The following SGCZ variants were observed in gnomAD, a reference collection of about 807,000 sequenced individuals.
SGCZ encodes the protein sarcoglycan zeta.
SGCZ carries 40 observed loss-of-function variants against 41.3 expected under a neutral mutation model. The observed-to-expected ratio is 0.97, with a 90% CI of 0.75 to 1.26. The LOEUF (loss-of-function observed/expected upper bound fraction) is 1.26. Among genes scored for constraint, SGCZ ranks in the 50% most tolerant of loss-of-function variants. The pLI is 0.00. For synonymous variants in SGCZ, 206 were observed against 137.5 expected, an observed-to-expected ratio of 1.50 and a Z score of -3.49; for missense variants, 552 against 369.8, an observed-to-expected ratio of 1.49 and a Z score of -4.04.
chr8:14,338,524 T>C (rs1802580575), intron 2 of SGCZ, among the ~76,000 whole-genome samples: 1 of 152,208 alleles, frequency 6.6e-6, no homozygotes, highest in Admixed American at 6.5e-5. Flanking sequence ...GCAATTGCTC[T>C]GTCACAGCTT....
intron 1 of SGCZ, among the ~76,000 whole-genome samples, chr8:15,208,232 G>A (rs575423914): frequency 1.3e-5 from 2 of 152,270 alleles, no homozygotes; most frequent in East Asian, 1.9e-4. Flanking sequence ...GATGATGAAA[G>A]CATTCATCAG....
In SGCZ at chr8:15,048,621, A is replaced by T. The variant is rs79644907; in HGVS notation, c.39+188964T>A. 2.5e-3 allele frequency among the ~76,000 whole-genome samples: 384 copies of T among 152,240 alleles called. 1 individual carries two copies. Among genetic ancestry groups the T allele is most frequent in the African/African-American group, 8.9e-3 (372 of 41,570 alleles). On this transcript the variant is annotated intron_variant, in intron 1 of 7. Transcript: ENST00000382080. The stretch of plus-strand genomic sequence containing the variant: ...TAGATATGTACAATTATTATGCATC[A>T]ATTTTAAAAATTGTGAAAAAGTCAG...
intron 1 of SGCZ, among the ~76,000 whole-genome samples, chr8:15,097,693 C>T: frequency 6.7e-6 from 1 of 148,956 alleles, no homozygotes; most frequent in African/African-American, 2.5e-5. Flanking sequence ...TACACCAATA[C>T]ATTACTGTCT....
At chr8:15,082,234 A>T (rs371730072) in intron 1 of SGCZ, among the ~76,000 whole-genome samples, 55 of 152,196 alleles carry the variant, frequency 3.6e-4, no homozygotes, top group South Asian at 2.1e-3. Flanking sequence ...GTCTCAAAAA[A>T]AAATAAATAA....
intron 1 of SGCZ, among the ~76,000 whole-genome samples, chr8:15,148,250 C>T (rs6530838): frequency 6.6e-6 from 1 of 152,060 alleles, no homozygotes; most frequent in East Asian, 1.9e-4. Context: ...TGATGTGAGT[C>T]AATATTGGGG....
chr8:15,047,887 A>C lies in SGCZ; in HGVS notation c.39+189698T>G, dbSNP rs187873817. On this transcript the variant is annotated intron_variant, in intron 1 of 7. Coordinates refer to ENST00000382080, the MANE Select transcript of SGCZ (RefSeq NM_139167.4). ...ATGTACACTAGTACACTGTTGGTGA[A>C]AATGTAAACTAGCACAGCCTCTATG... 8.9e-4 allele frequency among the ~76,000 whole-genome samples: 136 copies of C among 152,120 alleles called. 1 individual carries two copies. Among genetic ancestry groups the C allele is most frequent in the African/African-American group, 3.2e-3 (132 of 41,550 alleles).
At chr8:14,196,739 G>A (rs35956897) in intron 4 of SGCZ, among the ~76,000 whole-genome samples, 1 of 151,896 alleles carries the variant, frequency 6.6e-6, no homozygotes, top group Non-Finnish European at 1.5e-5. Flanking sequence ...CTGCAACATT[G>A]ATGCACCTTA....
chr8:15,167,166 C>T (rs1033325043), intron 1 of SGCZ, among the ~76,000 whole-genome samples: 1 of 152,132 alleles, frequency 6.6e-6, no homozygotes, highest in African/African-American at 2.4e-5. Flanking sequence ...TGTGAGTATC[C>T]TCGTGGCAAT....
chr8:14,471,721 A>G (rs1033040959), intron 2 of SGCZ, among the ~76,000 whole-genome samples: 1 of 152,106 alleles, frequency 6.6e-6, no homozygotes, highest in Admixed American at 6.6e-5. Context: ...AATAAAAATA[A>G]TAATTTCCGT....
chr8:15,147,325 C>A (rs1489508725), intron 1 of SGCZ, among the ~76,000 whole-genome samples: 1 of 152,146 alleles, frequency 6.6e-6, no homozygotes, highest in African/African-American at 2.4e-5. Context: ...TTTGACCAGG[C>A]TGGAGTGCAA....
chr8:15,106,629 G>C (rs1488644978), intron 1 of SGCZ, among the ~76,000 whole-genome samples: 2 of 151,860 alleles, frequency 1.3e-5, no homozygotes, highest in Non-Finnish European at 2.9e-5. Context: ...TGTCTTACTA[G>C]TTTCATTTGT....
chr8:14,338,407 G>C (rs1279278613), intron 2 of SGCZ, among the ~76,000 whole-genome samples: 1 of 152,134 alleles, frequency 6.6e-6, no homozygotes, highest in East Asian at 1.9e-4. Flanking sequence ...GACCAAAAAT[G>C]TGAGAATGTA....
intron 1 of SGCZ, among the ~76,000 whole-genome samples, chr8:15,105,607 A>G (rs1806794239): frequency 6.6e-6 from 1 of 152,146 alleles, no homozygotes; most frequent in Non-Finnish European, 1.5e-5. Context: ...TGATTCAATC[A>G]CATCCCAACA....
chr8:14,448,200 G>A (rs990948780), intron 2 of SGCZ, among the ~76,000 whole-genome samples: 1 of 152,164 alleles, frequency 6.6e-6, no homozygotes, highest in African/African-American at 2.4e-5. Context: ...AGAGATTCAA[G>A]GTTTACCAAC....
At chr8:15,176,371 T>A (rs934738315) in intron 1 of SGCZ, among the ~76,000 whole-genome samples, 6 of 152,202 alleles carry the variant, frequency 3.9e-5, no homozygotes, top group South Asian at 2.1e-4. Context: ...CAATTTCTCA[T>A]TCAATAGAAG....
At chr8:14,348,009 C>G (rs150500042) in intron 2 of SGCZ, among the ~76,000 whole-genome samples, 3 of 152,178 alleles carry the variant, frequency 2.0e-5, no homozygotes, top group Non-Finnish European at 4.4e-5. Flanking sequence ...ATGCACGCTT[C>G]TCTACATACT....
intron 5 of SGCZ, among the ~76,000 whole-genome samples, chr8:14,110,476 G>T (rs938953341): frequency 6.6e-6 from 1 of 152,244 alleles, no homozygotes; most frequent in African/African-American, 2.4e-5. Context: ...AAAACTGATA[G>T]AGGTCTCAAT....
At chr8:14,702,518 T>G (rs1216810043) in intron 1 of SGCZ, among the ~76,000 whole-genome samples, 1 of 152,036 alleles carries the variant, frequency 6.6e-6, no homozygotes, top group East Asian at 1.9e-4. Context: ...TTATACATGA[T>G]ACTTCCACAT....
At chr8:14,667,171 A>T (rs1807937133) in intron 1 of SGCZ, among the ~76,000 whole-genome samples, 1 of 152,160 alleles carries the variant, frequency 6.6e-6, no homozygotes, top group South Asian at 2.1e-4. Context: ...TTCTTTGGAA[A>T]GGAGGAAGGG....
Sources: allele counts gnomAD v4.1 joint callset (sites outside exome capture counted in the v4.1 genomes callset), GRCh38; gene constraint gnomAD v4.1.1; transcripts MANE v1.5; gene names NCBI Gene and HGNC (gene_info 2026-07-23, HGNC 2026-07-21).